Variants in FAM186A observed in about 807,000 individuals in gnomAD.
FAM186A encodes the protein family with sequence similarity 186 member A.
Under a neutral mutation model 216.8 loss-of-function variants are expected in FAM186A, and 163 were observed. The ratio of observed to expected loss-of-function variants is 0.75; its 90% confidence interval spans 0.66 to 0.86. FAM186A has a LOEUF of 0.86. FAM186A is among the 40% of genes least tolerant of loss of function. The probability of loss-of-function intolerance (pLI) is 0.00; values close to 1 mark genes in which losing one functional copy is unlikely to be tolerated. For missense variants in FAM186A, 2,184 were observed against 2,746.2 expected (o/e 0.80, Z 4.58); for synonymous variants, 805 against 1,025.3 (o/e 0.79, Z 4.10).
chr12:50,360,285 T>C (rs150075774), intron 3 of FAM186A, among the ~76,000 whole-genome samples: 5,295 of 149,784 alleles, frequency 0.035, 119 homozygotes, highest in South Asian at 0.082. Context: ...TTAAAATAAA[T>C]AAAAATAAAA....
chr12:50,383,278 A>AAAAAAAAAAAAAAAAAAAAG (rs1555218962), intron 1 of FAM186A, among the ~76,000 whole-genome samples: 2 of 49,170 alleles, frequency 4.1e-5, no homozygotes, highest in Non-Finnish European at 8.8e-5. Flanking sequence ...AAAAAAAAAA[A>AAAAAAAAAAAAAAAAAAAAG]AGAGAGAGAG....
chr12:50,375,549 CAA>C (rs35534756), intron 1 of FAM186A, among the ~76,000 whole-genome samples: 21 of 90,792 alleles, frequency 2.3e-4, no homozygotes, highest in Admixed American at 3.7e-4. Context: ...AGCTCTGTCT[CAA>C]AAAAAAAAAA....
chr12:50,394,732 C>CTT (rs71083561), intron 1 of FAM186A, among the ~76,000 whole-genome samples: 599 of 29,392 alleles, frequency 0.02, 105 homozygotes, highest in African/African-American at 0.053. Flanking sequence ...GGCTAACACT[C>CTT]TTTTTTTTTT....
At chr12:50,358,204 T>G (rs1015462482) in intron 3 of FAM186A, among the ~76,000 whole-genome samples, 3 of 152,182 alleles carry the variant, frequency 2.0e-5, no homozygotes, top group Non-Finnish European at 4.4e-5. Flanking sequence ...TAAACACTTT[T>G]AGGCTTCAAA....
intron 4 of FAM186A, among the ~76,000 whole-genome samples, chr12:50,336,346 C>A (rs1297778531): frequency 6.6e-6 from 1 of 151,978 alleles, no homozygotes; most frequent in East Asian, 1.9e-4. Context: ...TCTAATGTCC[C>A]ATAATTGATA....
chr12:50,391,187 C>T (rs1481976007), intron 1 of FAM186A, among the ~76,000 whole-genome samples: 1 of 151,624 alleles, frequency 6.6e-6, no homozygotes, highest in Non-Finnish European at 1.5e-5. Flanking sequence ...TGGGGTGTCA[C>T]CATGTTGGCC....
chr12:50,330,844 G>T, intron 6 of FAM186A, 86 bp from the exon 7 acceptor site: 1 of 1,174,144 alleles, frequency 8.5e-7, no homozygotes, highest in Non-Finnish European at 1.2e-6. Flanking sequence ...CCTCTTCACT[G>T]CCACCTTGTC....
At chr12:50,376,586 G>A (rs889684075) in intron 1 of FAM186A, among the ~76,000 whole-genome samples, 1 of 152,060 alleles carries the variant, frequency 6.6e-6, no homozygotes, top group African/African-American at 2.4e-5. Flanking sequence ...TCAAAAGGGA[G>A]GAAGTGCATG....
At chr12:50,332,998 A>C (rs1201651043) in intron 5 of FAM186A, among the ~76,000 whole-genome samples, 1 of 152,088 alleles carries the variant, frequency 6.6e-6, no homozygotes, top group Non-Finnish European at 1.5e-5. Context: ...ACTGCACTCC[A>C]GCCTGGGTGA....
At chr12:50,382,319 C>A (rs1282591188) in intron 1 of FAM186A, among the ~76,000 whole-genome samples, 2 of 150,592 alleles carry the variant, frequency 1.3e-5, no homozygotes, top group Non-Finnish European at 2.9e-5. Flanking sequence ...TCAACTTAAG[C>A]ATGTTACTGG....
At chr12:50,381,469 A>T (rs1943252902) in intron 1 of FAM186A, among the ~76,000 whole-genome samples, 1 of 151,984 alleles carries the variant, frequency 6.6e-6, no homozygotes, top group Non-Finnish European at 1.5e-5. Context: ...CAGAGAGGAG[A>T]CCCACAGTGG....
intron 3 of FAM186A, among the ~76,000 whole-genome samples, chr12:50,359,560 A>T (rs753546147): frequency 1.3e-4 from 20 of 151,828 alleles, no homozygotes; most frequent in Non-Finnish European, 2.4e-4. Context: ...TAGCAATTCG[A>T]CTCCTAGCTA....
chr12:50,351,400 G>A lies in FAM186A; in HGVS notation c.5432C>T (p.Ala1811Val), dbSNP rs765273273. The A allele has an allele frequency of 1.2e-5, 18 of 1,468,616 alleles. No individual in the cohort carries two copies. Among genetic ancestry groups the A allele is most frequent in the Admixed American group, 8.3e-5 (3 of 36,204 alleles). 91.0% of individuals were successfully genotyped at this position (1,468,616 alleles called of 1,614,324 possible). ...AGGGGCCTGTGGTGCCGGGAACTGC[G>A]CAGAAGTGGATTGACCTCCGTATAC... ...TLVYGGQSTS[A>V]QFPAPQAPPS... is the part of the protein sequence containing the mutation. The change falls in exon 4 of 8, where the codon GCG becomes GTG. Residue 1811 changes from alanine (A) to valine (V), a missense_variant. Physicochemically the swap from Ala to Val is moderately conservative, Grantham distance 64 (BLOSUM62 0). Around this residue, in one of 7 missense-constraint regions of FAM186A, gnomAD observed 721 missense variants for 816.4 expected, o/e 0.88. Coordinates refer to ENST00000327337, the MANE Select transcript of FAM186A (RefSeq NM_001145475.3).
intron 1 of FAM186A, among the ~76,000 whole-genome samples, chr12:50,391,260 C>T (rs927886939): frequency 6.6e-6 from 1 of 151,764 alleles, no homozygotes. Flanking sequence ...TCCCAAAGTG[C>T]TGGGATTACA....
At chr12:50,393,200 A>G (rs1401819590) in intron 1 of FAM186A, among the ~76,000 whole-genome samples, 3 of 151,870 alleles carry the variant, frequency 2.0e-5, no homozygotes, top group African/African-American at 7.2e-5. Context: ...CTGGGATTAC[A>G]GGTATGAGCC....
At chr12:50,366,066 A>G in intron 1 of FAM186A, 1 of 737,672 alleles carries the variant, frequency 1.4e-6, no homozygotes, top group Non-Finnish European at 2.5e-6. Context: ...CAAGGAAGAA[A>G]CAATTGAGAA....
intron 1 of FAM186A, among the ~76,000 whole-genome samples, chr12:50,395,518 C>A (rs1415171010): frequency 2.0e-5 from 3 of 151,794 alleles, no homozygotes; most frequent in Admixed American, 6.6e-5. Context: ...CTATGTTGAC[C>A]AGGCTGGTCT....
chr12:50,327,853 A>C (rs745967307), intron 7 of FAM186A, among the ~76,000 whole-genome samples: 1 of 152,106 alleles, frequency 6.6e-6, no homozygotes, highest in African/African-American at 2.4e-5. Flanking sequence ...CCTGTAATCC[A>C]TATATATAAA....
Position 50,331,303 on chromosome 12 carries a change from G to A in FAM186A, c.6848+367C>T, listed in dbSNP as rs192814053. 4.6e-5 allele frequency among the ~76,000 whole-genome samples: 7 copies of A among 152,208 alleles called. No individual in the cohort carries two copies. The East Asian group carries it at 1.2e-3, about 25-fold the overall frequency. On this transcript the variant is annotated intron_variant, in intron 6 of 7. Transcript: ENST00000327337. ...TGCCCAGGCTGGAGTGCAATGGCAC[G>A]ATCTCGGCTCACCGCAACCTCTGCC...
Sources: gnomAD v4.1 joint callset for allele counts (sites outside exome capture counted in the v4.1 genomes callset) on GRCh38, gnomAD v4.1.1 for gene constraint, gnomAD v4.1.1 regional missense constraint, MANE v1.5 for transcripts, NCBI Gene and HGNC (gene_info 2026-07-23, HGNC 2026-07-21) for gene names.